Variants in DLG2 observed in about 807,000 individuals in gnomAD.
DLG2 encodes disks large homolog 2.
In DLG2, 45 loss-of-function variants were observed where a neutral mutation model predicts 132.5. That is an observed-to-expected ratio of 0.34 (90% CI 0.27 to 0.44). The LOEUF (loss-of-function observed/expected upper bound fraction) is 0.44, where lower values mean the gene tolerates loss of function less well. Among genes scored for constraint, DLG2 ranks in the 20% least tolerant of loss-of-function variants. The pLI is 1.00. For missense variants in DLG2, 1,045 were observed against 1,196.9 expected, an observed-to-expected ratio of 0.87 and a Z score of 1.87; for synonymous variants, 424 against 419.6, an observed-to-expected ratio of 1.01 and a Z score of -0.13.
intron 19 of DLG2, among the ~76,000 whole-genome samples, chr11:83,566,711 T>C (rs2096714206): frequency 9.5e-6 from 1 of 105,514 alleles, no homozygotes; most frequent in Non-Finnish European, 2.0e-5. Context: ...GCAGAGGGCA[T>C]GGTGTGTGTG....
At chr11:85,003,618 T>C (rs745383047) in intron 6 of DLG2, among the ~76,000 whole-genome samples, 1 of 152,132 alleles carries the variant, frequency 6.6e-6, no homozygotes, top group Non-Finnish European at 1.5e-5. Context: ...GGTATATTAC[T>C]TCAGCTTGAG....
intron 3 of DLG2, among the ~76,000 whole-genome samples, chr11:85,397,348 T>C (rs1211798638): frequency 7.9e-5 from 12 of 152,056 alleles, no homozygotes; most frequent in Non-Finnish European, 1.5e-5. Flanking sequence ...AGAGCATCAA[T>C]GATATGAAGA....
intron 2 of DLG2, among the ~76,000 whole-genome samples, chr11:85,622,749 T>C (rs1274609126): frequency 6.6e-6 from 1 of 152,070 alleles, no homozygotes; most frequent in Non-Finnish European, 1.5e-5. Context: ...CTATGAGATA[T>C]ATGGCAATAT....
intron 18 of DLG2, among the ~76,000 whole-genome samples, chr11:83,645,399 G>C (rs887111665): frequency 6.6e-5 from 10 of 152,060 alleles, no homozygotes. Context: ...TTATACACCA[G>C]AGCCTAAGGA....
intron 3 of DLG2, among the ~76,000 whole-genome samples, chr11:85,406,886 T>C (rs565447834): frequency 4.0e-5 from 6 of 151,826 alleles, no homozygotes; most frequent in Non-Finnish European, 7.4e-5. Context: ...ATGAGGAACA[T>C]GGGAGACAAG....
At chr11:84,584,146 T>C (rs2154529538) in intron 6 of DLG2, among the ~76,000 whole-genome samples, 1 of 152,214 alleles carries the variant, frequency 6.6e-6, no homozygotes, top group Non-Finnish European at 1.5e-5. Context: ...TACCCACCAG[T>C]AGTATAGAAG....
At chr11:85,398,370 T>C (rs1256468772) in intron 3 of DLG2, among the ~76,000 whole-genome samples, 1 of 151,950 alleles carries the variant, frequency 6.6e-6, no homozygotes, top group African/African-American at 2.4e-5. Context: ...TTAAAAGAAC[T>C]AGAGAAGCTG....
chr11:84,897,836 C>A (rs2090401394), intron 6 of DLG2, among the ~76,000 whole-genome samples: 1 of 151,778 alleles, frequency 6.6e-6, no homozygotes, highest in Admixed American at 6.6e-5. Context: ...CTTACTGGAT[C>A]TGGCCGTGTA....
At chr11:84,224,744 G>A (rs542518207) in intron 8 of DLG2, among the ~76,000 whole-genome samples, 1 of 152,254 alleles carries the variant, frequency 6.6e-6, no homozygotes, top group South Asian at 2.1e-4. Context: ...GCGCTCTACT[G>A]CTGCAGGAAC....
chr11:84,369,013 T>C (rs2098695371), intron 7 of DLG2, among the ~76,000 whole-genome samples: 1 of 152,152 alleles, frequency 6.6e-6, no homozygotes, highest in Non-Finnish European at 1.5e-5. Flanking sequence ...GTATTCACAA[T>C]GTAATGGCTT....
At chr11:85,244,589 T>G (rs2076047221) in intron 4 of DLG2, among the ~76,000 whole-genome samples, 1 of 151,992 alleles carries the variant, frequency 6.6e-6, no homozygotes, top group Admixed American at 6.6e-5. Context: ...TTAATCAGAT[T>G]GCTATTGATG....
intron 4 of DLG2, among the ~76,000 whole-genome samples, chr11:85,188,355 A>C (rs749757084): frequency 6.6e-6 from 1 of 152,198 alleles, no homozygotes; most frequent in Non-Finnish European, 1.5e-5. Flanking sequence ...TGAATGCAGG[A>C]AAGTTGCAAA....
At chr11:85,508,019 C>T (rs892485390) in intron 3 of DLG2, among the ~76,000 whole-genome samples, 3 of 152,102 alleles carry the variant, frequency 2.0e-5, no homozygotes, top group Admixed American at 6.6e-5. Context: ...CTTGTGCATG[C>T]ATCATGTAGT....
At chr11:83,727,712 T>C (rs1305391654) in intron 18 of DLG2, among the ~76,000 whole-genome samples, 2 of 152,230 alleles carry the variant, frequency 1.3e-5, no homozygotes, top group Non-Finnish European at 2.9e-5. Flanking sequence ...AGATTTGTTA[T>C]TTGATTTAAA....
At chr11:85,412,440 C>A (rs1209049990) in intron 3 of DLG2, among the ~76,000 whole-genome samples, 2 of 151,312 alleles carry the variant, frequency 1.3e-5, no homozygotes, top group African/African-American at 4.9e-5. Context: ...TCTTTAGTCG[C>A]GATTTGTGAG....
chr11:85,051,057 T>C (rs1389385096), intron 6 of DLG2, among the ~76,000 whole-genome samples: 1 of 152,178 alleles, frequency 6.6e-6, no homozygotes, highest in Non-Finnish European at 1.5e-5. Flanking sequence ...TCATCAAGTC[T>C]GAAGCATTGT....
At chr11:83,489,625 T>C (rs1267863727) in intron 21 of DLG2, among the ~76,000 whole-genome samples, 1 of 152,038 alleles carries the variant, frequency 6.6e-6, no homozygotes, top group Non-Finnish European at 1.5e-5. Context: ...TCATGCCATA[T>C]TGCAATATTA....
At chr11:85,298,237 T>C (rs1013110013) in intron 3 of DLG2, among the ~76,000 whole-genome samples, 5 of 152,158 alleles carry the variant, frequency 3.3e-5, no homozygotes, top group Non-Finnish European at 7.4e-5. Context: ...TTATATAGTG[T>C]TAGACTGGAA....
chr11:84,733,765 T>G (rs2063467891), intron 6 of DLG2, among the ~76,000 whole-genome samples: 1 of 152,156 alleles, frequency 6.6e-6, no homozygotes. Flanking sequence ...GTTTTTATGG[T>G]TTTAGGTCTA....
Sources: allele counts gnomAD v4.1 joint callset (sites outside exome capture counted in the v4.1 genomes callset), GRCh38; gene constraint gnomAD v4.1.1; transcripts MANE v1.5; gene names NCBI Gene and HGNC (gene_info 2026-07-23, HGNC 2026-07-21).